Variants in MYL7 observed in about 807,000 individuals in gnomAD.
MYL7 encodes the protein myosin light chain 7, also known as myosin regulatory light chain 2, atrial isoform.
Under a neutral mutation model 22.5 loss-of-function variants are expected in MYL7, and 27 were observed. The observed-to-expected ratio is 1.20, with a 90% CI of 0.89 to 1.66. MYL7 has a LOEUF of 1.66. Among genes scored for constraint, MYL7 ranks in the 40% most tolerant of loss-of-function variants. MYL7 has a pLI of 0.00. For synonymous variants in MYL7, 81 were observed against 84.4 expected (o/e 0.96, Z 0.22); for missense variants, 209 against 226.8 (o/e 0.92, Z 0.50).
At chr7:44,139,995 C>T (rs2096263326) in intron 4 of MYL7, 135 bp from the exon 5 acceptor site, 11 of 828,600 alleles carry the variant, frequency 1.3e-5, no homozygotes, top group Admixed American at 9.5e-5. Context: ...AAATGTTTCT[C>T]GGGGATCAGT....
chr7:44,141,298 C>G lies in MYL7; in HGVS notation c.3+5G>C. On this transcript the variant is annotated splice_donor_5th_base_variant and intron_variant, in intron 1 of 6. Coordinates refer to ENST00000223364, the MANE Select transcript of MYL7 (RefSeq NM_021223.3). ...GCTAGCCTTTCTTCCCCAGCAGGCA[C>G]TCACCATTCTCTCTGCAGAGGTGTG... 2.5e-6 allele frequency: 4 copies of G among 1,614,040 alleles called. No individual in the cohort carries two copies. The highest frequency in any genetic ancestry group is 3.4e-6 in the Non-Finnish European group (4 of 1,179,946).
chr7:44,140,104 C>T (rs1164424292), intron 4 of MYL7, among the ~76,000 whole-genome samples: 1 of 152,132 alleles, frequency 6.6e-6, no homozygotes, highest in Admixed American at 6.5e-5. Context: ...TCCAAGTCAG[C>T]ACTGGGGTGA....
At chr7:44,140,527 C>A (rs1257114066) in intron 3 of MYL7, 100 bp from the exon 4 acceptor site, 5 of 1,234,366 alleles carry the variant, frequency 4.1e-6, no homozygotes, top group Non-Finnish European at 5.8e-6. Flanking sequence ...GCTGGAGGGG[C>A]AGAGGCAGCT....
At chr7:44,140,677 C>A in intron 3 of MYL7, 35 bp downstream of exon 3, 1 of 1,567,262 alleles carries the variant, frequency 6.4e-7, no homozygotes. Flanking sequence ...AGAGTAGGGA[C>A]CCCAGTGCGC....
At chr7:44,141,128 C>T in intron 1 of MYL7, 54 bp from the exon 2 acceptor site, 1 of 1,586,054 alleles carries the variant, frequency 6.3e-7, no homozygotes, top group Non-Finnish European at 8.7e-7. Flanking sequence ...AGAGTCTCCC[C>T]ACCCCACCCA....
Position 44,139,765 on chromosome 7 carries a change from GC to G in MYL7, c.377+16del. 1 of 1,612,040 alleles carries G rather than the reference GC, an allele frequency of 6.2e-7. No individual in the cohort carries two copies. The highest frequency in any genetic ancestry group is 2.2e-5 in the East Asian group (1 of 44,838). On this transcript the variant is annotated intron_variant, in intron 5 of 6. Coordinates refer to ENST00000223364, the MANE Select transcript of MYL7 (RefSeq NM_021223.3). ...CTTCCACCACGGTGCTCCTCATCTG[GC>G]TGGGCCCATACTTACTCATCCTTGT...
rs2096265070 is a variant in MYL7 at position 44,141,071 on chromosome 7, T to C, written c.7A>G (p.Ser3Gly). 1 of 1,613,820 alleles carries C rather than the reference T, an allele frequency of 6.2e-7. No individual in the cohort carries two copies. Among genetic ancestry groups the C allele is most frequent in the Admixed American group, 1.7e-5 (1 of 59,992 alleles). The change falls in exon 2 of 7, where the codon AGC (serine) becomes GGC (glycine). Residue 3 changes from serine to glycine, a missense_variant. Transcript: ENST00000223364. MA[S>G]RKAGTRGKVA... ...TTGCCCCGGGTCCCCGCCTTCCTGC[T>C]GGCCTGCAACACTGTGAGTAGGGAG...
Position 44,139,800 on chromosome 7 carries a change from C to T in MYL7, c.359G>A (p.Gly120Glu). 6.2e-7 allele frequency: 1 copy of T among 1,612,876 alleles called. No individual in the cohort carries two copies. Among genetic ancestry groups the T allele is most frequent in the South Asian group, 1.1e-5 (1 of 90,948 alleles). The change falls in exon 5 of 7, where the codon GGG (glycine) becomes GAG (glutamate). Residue 120 changes from glycine to glutamate, a missense_variant. Transcript: ENST00000223364. ...TACTTACTCATCCTTGTTCACCACCCCTTTGCCGCTGGGGTCAAACATGCG... is the reference window on the plus strand; with the variant it reads ...TACTTACTCATCCTTGTTCACCACCTCTTTGCCGCTGGGGTCAAACATGCG... ...AFRMFDPSGK[G>E]VVNKDEFKQL...
intron 5 of MYL7, 72 bp downstream of exon 5, chr7:44,139,710 C>A: frequency 6.3e-7 from 1 of 1,586,340 alleles, no homozygotes; most frequent in South Asian, 1.1e-5. Context: ...CAGGCAGCCC[C>A]CCTCACTAGG....
intron 5 of MYL7, 39 bp from the exon 6 acceptor site, chr7:44,139,608 G>A (rs1341704273): frequency 6.3e-7 from 1 of 1,588,094 alleles, no homozygotes; most frequent in Admixed American, 1.8e-5. Flanking sequence ...GACTGCGGGG[G>A]AGTGACTGCA....
intron 6 of MYL7, 71 bp downstream of exon 6, chr7:44,139,450 G>C: frequency 6.5e-7 from 1 of 1,541,120 alleles, no homozygotes. Flanking sequence ...ACTGGTACTG[G>C]GCTCTGGGTC....
At chr7:44,140,618 G>C in intron 3 of MYL7, 94 bp downstream of exon 3, 1 of 1,353,038 alleles carries the variant, frequency 7.4e-7, no homozygotes, top group South Asian at 1.4e-5. Flanking sequence ...AGGGGAAGCA[G>C]GGGAGCAGAG....
Position 44,139,866 on chromosome 7 carries a change from A to T in MYL7, c.299-6T>A. 1 of 1,596,818 alleles carries T rather than the reference A, an allele frequency of 6.3e-7. No individual in the cohort carries two copies. The highest frequency in any genetic ancestry group is 1.1e-5 in the South Asian group (1 of 88,496). ...GGCTTCCTCGGGGTCTGTCCCTGGA[A>T]GGCCGAGGCAGCCAGGTGAGCATCC... On this transcript the variant is annotated splice_polypyrimidine_tract_variant and splice_region_variant and intron_variant, in intron 4 of 6. Transcript: ENST00000223364.
At position 44,139,784 on chromosome 7, in the gene MYL7, A is replaced by G; in HGVS notation, c.375T>C (p.Asp125=). The G allele has an allele frequency of 1.9e-6, 3 of 1,612,412 alleles. No individual in the cohort carries two copies. Among genetic ancestry groups the G allele is most frequent in the Non-Finnish European group, 2.5e-6 (3 of 1,179,622 alleles). ...CATCTGGCTGGGCCCATACTTACTC[A>G]TCCTTGTTCACCACCCCTTTGCCGC... ...DPSGKGVVNK[D]EFKQLLLTQA... is the part of the protein sequence containing the mutation. Residue 125 remains aspartate, a splice_region_variant and synonymous_variant, in exon 5 of 7, where the codon GAT becomes GAC. Coordinates refer to ENST00000223364, the MANE Select transcript of MYL7 (RefSeq NM_021223.3).
intron 3 of MYL7, 132 bp from the exon 4 acceptor site, chr7:44,140,559 GAAGC>G: frequency 8.7e-7 from 1 of 1,144,234 alleles, no homozygotes; most frequent in Non-Finnish European, 1.2e-6. Flanking sequence ...AGGTGAAGTG[GAAGC>G]AAGGCGTGAC....
Position 44,139,078 on chromosome 7 carries a change from G to A in MYL7, c.427-56C>T, listed in dbSNP as rs1189666254. ...CTGGCTCCTGGCCCAGCCCGGCAGA[G>A]ACCTCACCTGAGTCCTGTGGCCTTT... On this transcript the variant is annotated intron_variant, in intron 6 of 6. Coordinates refer to ENST00000223364, the MANE Select transcript of MYL7 (RefSeq NM_021223.3). 7 of 1,379,510 alleles carry A rather than the reference G, an allele frequency of 5.1e-6. No homozygotes were observed. The Admixed American group carries it at 1.2e-4, about 23-fold the overall frequency. 85.5% of individuals were successfully genotyped at this position (1,379,510 alleles called of 1,614,324 possible).
chr7:44,139,597 A>T, intron 5 of MYL7, 28 bp from the exon 6 acceptor site: 5 of 1,595,032 alleles, frequency 3.1e-6, no homozygotes, highest in Non-Finnish European at 4.3e-6. Flanking sequence ...TCTGAGCAGG[A>T]GACTGCGGGG....
chr7:44,140,920 G>T (rs2096264776), intron 2 of MYL7, 41 bp downstream of exon 2: 2 of 1,013,234 alleles, frequency 2.0e-6, no homozygotes, highest in Non-Finnish European at 2.9e-6. Context: ...GGGGTGGGGG[G>T]GCCAGGATGG....
intron 6 of MYL7, 49 bp from the exon 7 acceptor site, chr7:44,139,071 C>T (rs142926223): frequency 2.0e-4 from 285 of 1,439,644 alleles, no homozygotes; most frequent in Non-Finnish European, 2.5e-4. Flanking sequence ...TGGCCCAGCC[C>T]GGCAGAGACC....
Sources: gnomAD v4.1 joint callset for allele counts (sites outside exome capture counted in the v4.1 genomes callset) on GRCh38, gnomAD v4.1.1 for gene constraint, MANE v1.5 for transcripts, NCBI Gene and HGNC (gene_info 2026-07-23, HGNC 2026-07-21) for gene names.